CDH2: variants seen among roughly 807,000 people sequenced by gnomAD.
The protein encoded by CDH2 is cadherin 2.
CDH2 carries 17 observed loss-of-function variants against 92.0 expected under a neutral mutation model. That is an observed-to-expected ratio of 0.18 (90% CI 0.13 to 0.28). CDH2 has a LOEUF of 0.28. CDH2 is among the 10% of genes least tolerant of loss of function. The pLI is 1.00. For synonymous variants in CDH2, 419 were observed against 415.9 expected (o/e 1.01, Z -0.09); for missense variants, 862 against 1,133.1 (o/e 0.76, Z 3.44).
At chr18:28,100,877 C>T (rs2015215617) in intron 2 of CDH2, among the ~76,000 whole-genome samples, 1 of 152,082 alleles carries the variant, frequency 6.6e-6, no homozygotes, top group Non-Finnish European at 1.5e-5. Flanking sequence ...TGCACACTGC[C>T]CAACTCACTA....
At chr18:28,043,480 AT>A (rs2013998309) in intron 2 of CDH2, among the ~76,000 whole-genome samples, 1 of 76,900 alleles carries the variant, frequency 1.3e-5, no homozygotes, top group African/African-American at 5.2e-5. Context: ...ATATATATAT[AT>A]ATATATATAT....
chr18:28,013,595 A>T, intron 3 of CDH2, 88 bp downstream of exon 3: 1 of 889,958 alleles, frequency 1.1e-6, no homozygotes, highest in Non-Finnish European at 1.9e-6. Context: ...GCCATCCATT[A>T]ATGTGGTCTG....
chr18:28,042,362 G>A (rs574088682), intron 2 of CDH2, among the ~76,000 whole-genome samples: 38 of 152,158 alleles, frequency 2.5e-4, no homozygotes, highest in African/African-American at 8.4e-4. Context: ...GACATTTAAG[G>A]TGATCTGTCT....
intron 2 of CDH2, among the ~76,000 whole-genome samples, chr18:28,028,438 A>G (rs1328599398): frequency 6.6e-6 from 1 of 152,174 alleles, no homozygotes; most frequent in Non-Finnish European, 1.5e-5. Context: ...GGGCTATTAA[A>G]CTACTAAACC....
At chr18:28,034,569 C>A (rs1468177469) in intron 2 of CDH2, among the ~76,000 whole-genome samples, 2 of 151,868 alleles carry the variant, frequency 1.3e-5, no homozygotes, top group Non-Finnish European at 2.9e-5. Flanking sequence ...TGTCATTTTT[C>A]CTTCCAATAC....
chr18:28,127,956 A>G (rs2015704977), intron 2 of CDH2, among the ~76,000 whole-genome samples: 1 of 152,186 alleles, frequency 6.6e-6, no homozygotes. Flanking sequence ...AGAAATCCTA[A>G]AAGAATGCTC....
rs954695402 is a variant in CDH2 at position 28,145,174 on chromosome 18, T to C, written c.172+2499A>G. ...TCAGATGTATCCTAAGAATGTATAT[T>C]GTACATACTGGTGAGCCATTGTCAT... On this transcript the variant is annotated intron_variant, in intron 2 of 15. Coordinates refer to ENST00000269141, the MANE Select transcript of CDH2 (RefSeq NM_001792.5). 1.1e-4 allele frequency among the ~76,000 whole-genome samples: 16 copies of C among 152,098 alleles called. 1 individual carries two copies. The highest frequency in any genetic ancestry group is 1.9e-4 in the Non-Finnish European group (13 of 67,996).
chr18:28,021,657 TA>T (rs1487980088), intron 2 of CDH2, among the ~76,000 whole-genome samples: 1 of 151,904 alleles, frequency 6.6e-6, no homozygotes, highest in East Asian at 1.9e-4. Flanking sequence ...ATGTTAACCA[TA>T]AAACCATAAT....
chr18:28,125,739 G>C (rs193219521), intron 2 of CDH2, among the ~76,000 whole-genome samples: 31 of 152,206 alleles, frequency 2.0e-4, no homozygotes, highest in African/African-American at 7.2e-4. Flanking sequence ...TAACAGGCAC[G>C]TAAGACAGTC....
chr18:28,176,274 T>C (rs1385992005), intron 1 of CDH2, among the ~76,000 whole-genome samples: 2 of 152,006 alleles, frequency 1.3e-5, no homozygotes, highest in South Asian at 2.1e-4. Flanking sequence ...CCGGGGGAGA[T>C]ACTAGGCGTG....
intron 2 of CDH2, among the ~76,000 whole-genome samples, chr18:28,078,296 T>G (rs181931861): frequency 6.6e-6 from 1 of 152,088 alleles, no homozygotes; most frequent in African/African-American, 2.4e-5. Flanking sequence ...GCAAACACTA[T>G]ATGATTTAAT....
chr18:27,976,294 A>G (rs537632056), intron 14 of CDH2, among the ~76,000 whole-genome samples: 13 of 152,196 alleles, frequency 8.5e-5, no homozygotes, highest in African/African-American at 2.6e-4. Context: ...GTTTCTATCA[A>G]TTATCATTTG....
intron 14 of CDH2, among the ~76,000 whole-genome samples, chr18:27,965,990 G>GAA (rs373927434): frequency 0.023 from 1,337 of 58,686 alleles, 80 homozygotes; most frequent in African/African-American, 0.091. Context: ...TGTCTAAAAG[G>GAA]AAAAAAAAAA....
chr18:27,958,614 TATATATGTGTATATGTG>T (rs1321093920), intron 15 of CDH2, among the ~76,000 whole-genome samples: 6 of 151,484 alleles, frequency 4.0e-5, no homozygotes, highest in Non-Finnish European at 8.8e-5. Flanking sequence ...TTTATATATG[TATATATGTGTATATGTG>T]ATATATGTGT....
In CDH2 at chr18:27,934,757, G is replaced by C. The variant is rs113962248; in HGVS notation, c.1152-1633C>G. Among the ~76,000 whole-genome samples the C allele has an allele frequency of 2.4e-4, 36 of 152,272 alleles. 1 individual carries two copies. The highest frequency in any genetic ancestry group is 8.7e-4 in the African/African-American group (36 of 41,562). On this transcript the variant is annotated intron_variant, in intron 6 of 6. Transcript: ENST00000675173. ...TAATTTGGTACAAGAGTCTGGAACA[G>C]AGTCGTGTCTGCACTGGAAGCAAGT...
At chr18:28,041,953 T>C (rs769649765) in intron 2 of CDH2, among the ~76,000 whole-genome samples, 58 of 152,238 alleles carry the variant, frequency 3.8e-4, no homozygotes, top group Middle Eastern at 6.8e-3. Context: ...GCCCCTTAAA[T>C]AGCAGTCCTT....
intron 6 of CDH2, among the ~76,000 whole-genome samples, chr18:27,945,193 C>T (rs747855018): frequency 1.1e-4 from 16 of 151,344 alleles, no homozygotes; most frequent in East Asian, 3.9e-4. Context: ...GAAGTACTGA[C>T]GATCAATGAA....
In CDH2 at chr18:28,176,810, C is replaced by A. The variant is rs149264440; in HGVS notation, c.60+153G>T. Among the ~76,000 whole-genome samples, 340 of 150,514 alleles carry A rather than the reference C, an allele frequency of 2.3e-3. 9 individuals are homozygous for A. In the East Asian group the frequency reaches 0.041, roughly 18 times the overall value. ...GCGCCCGGACGGAGCCCGATGCCTG[C>A]GCAGCTACCGGCCGCGCGGCGCGGC... On this transcript the variant is annotated intron_variant, in intron 1 of 15. Coordinates refer to ENST00000269141, the MANE Select transcript of CDH2 (RefSeq NM_001792.5).
intron 2 of CDH2, among the ~76,000 whole-genome samples, chr18:28,021,385 G>T (rs886287868): frequency 1.3e-5 from 2 of 151,702 alleles, no homozygotes; most frequent in Non-Finnish European, 3.0e-5. Context: ...AAGAAAATAC[G>T]CTTCCTTAGA....
Sources: allele counts gnomAD v4.1 joint callset (sites outside exome capture counted in the v4.1 genomes callset), GRCh38; gene constraint gnomAD v4.1.1; transcripts MANE v1.5; gene names NCBI Gene and HGNC (gene_info 2026-07-23, HGNC 2026-07-21).